The following CACNA2D1 variants were observed in gnomAD, a reference collection of about 807,000 sequenced individuals.
The protein encoded by CACNA2D1 is voltage-dependent calcium channel subunit alpha-2/delta-1.
Under a neutral mutation model 171.5 loss-of-function variants are expected in CACNA2D1, and 53 were observed. The ratio of observed to expected loss-of-function variants is 0.31; its 90% confidence interval spans 0.25 to 0.39. The LOEUF is 0.39. Among genes scored for constraint, CACNA2D1 ranks in the 10% least tolerant of loss-of-function variants. The pLI is 1.00. For synonymous variants in CACNA2D1, 442 were observed against 443.1 expected (o/e 1.00, Z 0.03); for missense variants, 903 against 1,299.8 (o/e 0.69, Z 4.69).
chr7:82,346,941 G>A (rs979017554), intron 2 of CACNA2D1, among the ~76,000 whole-genome samples: 18 of 152,154 alleles, frequency 1.2e-4, no homozygotes, highest in Admixed American at 8.5e-4. Flanking sequence ...TAATAGTTGT[G>A]TAACTTAGAA....
At chr7:82,299,435 C>A (rs1482617925) in intron 3 of CACNA2D1, among the ~76,000 whole-genome samples, 2 of 151,834 alleles carry the variant, frequency 1.3e-5, no homozygotes, top group African/African-American at 4.8e-5. Flanking sequence ...CAGGAGTGGG[C>A]AGATCACTTG....
intron 2 of CACNA2D1, among the ~76,000 whole-genome samples, chr7:82,348,035 G>C (rs532771492): frequency 1.3e-5 from 2 of 152,062 alleles, no homozygotes; most frequent in East Asian, 1.9e-4. Context: ...TTAAGGCTGG[G>C]GAAGCACTCA....
chr7:82,110,521 T>C (rs1232691498), intron 6 of CACNA2D1, among the ~76,000 whole-genome samples: 1 of 152,154 alleles, frequency 6.6e-6, no homozygotes, highest in African/African-American at 2.4e-5. Context: ...CTGAGATAAT[T>C]AAGACAATCT....
chr7:82,239,256 A>G (rs1803966753), intron 3 of CACNA2D1, among the ~76,000 whole-genome samples: 2 of 152,034 alleles, frequency 1.3e-5, no homozygotes, highest in Non-Finnish European at 2.9e-5. Flanking sequence ...GCAAAAACTT[A>G]TTCAAATAAA....
At chr7:82,066,371 C>T (rs570182166) in intron 8 of CACNA2D1, 84 bp downstream of exon 8, 2 of 1,530,566 alleles carry the variant, frequency 1.3e-6, no homozygotes, top group Admixed American at 1.9e-5. Flanking sequence ...AATACTCATC[C>T]TAATAATAAA....
At chr7:82,016,123 C>A (rs1800413586) in intron 12 of CACNA2D1, among the ~76,000 whole-genome samples, 1 of 152,118 alleles carries the variant, frequency 6.6e-6, no homozygotes, top group African/African-American at 2.4e-5. Context: ...GTTTCATTTT[C>A]TTTAATTCAT....
At chr7:81,966,399 A>G (rs1794710898) in intron 31 of CACNA2D1, among the ~76,000 whole-genome samples, 1 of 151,640 alleles carries the variant, frequency 6.6e-6, no homozygotes, top group Non-Finnish European at 1.5e-5. Context: ...CTCTTAAAAC[A>G]GCTACTGCAT....
At chr7:82,261,040 C>G (rs997906046) in intron 3 of CACNA2D1, among the ~76,000 whole-genome samples, 2 of 151,874 alleles carry the variant, frequency 1.3e-5, no homozygotes, top group African/African-American at 4.8e-5. Flanking sequence ...CTGCAAGCTC[C>G]GCCTCCTGGG....
chr7:82,005,125 C>G (rs1172486179), intron 18 of CACNA2D1, among the ~76,000 whole-genome samples: 5 of 152,060 alleles, frequency 3.3e-5, no homozygotes, highest in South Asian at 2.1e-4. Context: ...TCCTTTTTAT[C>G]TTACAGCCTT....
At chr7:82,427,768 T>G (rs1436040305) in intron 1 of CACNA2D1, among the ~76,000 whole-genome samples, 1 of 152,198 alleles carries the variant, frequency 6.6e-6, no homozygotes, top group Non-Finnish European at 1.5e-5. Flanking sequence ...CATCAATTTT[T>G]TAATGCAATG....
At chr7:82,252,488 T>G (rs2129317349) in intron 3 of CACNA2D1, among the ~76,000 whole-genome samples, 1 of 152,326 alleles carries the variant, frequency 6.6e-6, no homozygotes, top group Middle Eastern at 3.4e-3. Flanking sequence ...GCTGCACTCA[T>G]CAGTAGAGAC....
chr7:82,205,835 T>G (rs987432309), intron 3 of CACNA2D1, among the ~76,000 whole-genome samples: 2 of 152,320 alleles, frequency 1.3e-5, no homozygotes, highest in South Asian at 2.1e-4. Context: ...ATAATTCCCA[T>G]TAAAAAGACT....
chr7:82,085,279 C>A (rs977270324), intron 6 of CACNA2D1, among the ~76,000 whole-genome samples: 8 of 152,104 alleles, frequency 5.3e-5, no homozygotes, highest in Admixed American at 1.3e-4. Flanking sequence ...ACCTCCCCAC[C>A]CCCAAGTTGT....
At chr7:82,375,721 A>C (rs553767816) in intron 1 of CACNA2D1, among the ~76,000 whole-genome samples, 1 of 152,206 alleles carries the variant, frequency 6.6e-6, no homozygotes, top group Admixed American at 6.5e-5. Flanking sequence ...CACGACCTGT[A>C]TTTCTTTGTA....
intron 4 of CACNA2D1, among the ~76,000 whole-genome samples, chr7:82,154,050 T>C (rs1450595786): frequency 6.6e-6 from 1 of 152,124 alleles, no homozygotes; most frequent in Non-Finnish European, 1.5e-5. Flanking sequence ...CTGTATGTGA[T>C]GAAAAGGATA....
rs3801683 is a variant in CACNA2D1, at chr7:82,385,058, C to T, written c.96-35409G>A. ...TTAATGACTCCCTCCCCTTCCTTGT[C>T]CCAACATCTTTTATGAAACTTCACC... On this transcript the variant is annotated intron_variant, in intron 1 of 38. Coordinates refer to ENST00000356860, the MANE Select transcript of CACNA2D1 (RefSeq NM_000722.4). Among the ~76,000 whole-genome samples the T allele has an allele frequency of 5.8e-3, 884 of 152,282 alleles. 13 individuals are homozygous for T. In the East Asian group the frequency reaches 0.061, roughly 11 times the overall value.
chr7:81,963,704 T>C (rs1028490073), intron 34 of CACNA2D1, among the ~76,000 whole-genome samples: 2 of 151,996 alleles, frequency 1.3e-5, no homozygotes, highest in Non-Finnish European at 2.9e-5. Flanking sequence ...AAAGACAAAT[T>C]GTAACTTCTT....
At chr7:82,118,796 G>T (rs1207070971) in intron 5 of CACNA2D1, among the ~76,000 whole-genome samples, 1 of 151,888 alleles carries the variant, frequency 6.6e-6, no homozygotes, top group East Asian at 1.9e-4. Flanking sequence ...GTAAAATCAT[G>T]TATCAAGACT....
intron 3 of CACNA2D1, among the ~76,000 whole-genome samples, chr7:82,230,968 T>A (rs1802867600): frequency 6.6e-6 from 1 of 152,198 alleles, no homozygotes. Flanking sequence ...CATCTGTACC[T>A]CTGATACATG....
Sources: allele counts gnomAD v4.1 joint callset (sites outside exome capture counted in the v4.1 genomes callset), GRCh38; gene constraint gnomAD v4.1.1; transcripts MANE v1.5; gene names NCBI Gene and HGNC (gene_info 2026-07-23, HGNC 2026-07-21).